Variants in C7orf78 observed in about 807,000 individuals in gnomAD.
C7orf78 encodes chromosome 7 open reading frame 78.
chr7:12,514,676 A>G, the C7orf78 span, among the ~76,000 whole-genome samples: 1 of 151,844 alleles, frequency 6.6e-6, no homozygotes, highest in African/African-American at 2.4e-5. Flanking sequence ...TTGTGGTACT[A>G]TTTGACTCCT....
At chr7:12,494,118 T>C in the C7orf78 span, among the ~76,000 whole-genome samples, 5 of 152,066 alleles carry the variant, frequency 3.3e-5, no homozygotes, top group African/African-American at 1.2e-4. Context: ...CACTGGAGGA[T>C]GACAAATAGA....
the C7orf78 span, among the ~76,000 whole-genome samples, chr7:12,519,729 G>T: frequency 1.3e-5 from 2 of 152,188 alleles, no homozygotes; most frequent in Non-Finnish European, 2.9e-5. Context: ...CCAGGGAGTA[G>T]TACTCTGTTG....
chr7:12,523,319 A>G, the C7orf78 span: 1 of 398,382 alleles, frequency 2.5e-6, no homozygotes. Flanking sequence ...TAAATTTATA[A>G]CTACATTTCC....
chr7:12,523,051 G>C, the C7orf78 span: 1 of 398,300 alleles, frequency 2.5e-6, no homozygotes, highest in Non-Finnish European at 4.4e-6. Context: ...TTGCAAAGAG[G>C]CTGCAATATC....
At chr7:12,492,653 A>G in the C7orf78 span, among the ~76,000 whole-genome samples, 1 of 152,202 alleles carries the variant, frequency 6.6e-6, no homozygotes, top group Non-Finnish European at 1.5e-5. Flanking sequence ...AATGTTGAGG[A>G]GGTTGCTGAC....
chr7:12,508,277 G>A, the C7orf78 span, among the ~76,000 whole-genome samples: 3 of 152,170 alleles, frequency 2.0e-5, no homozygotes, highest in African/African-American at 7.2e-5. Context: ...TCTTTTATAG[G>A]CAGCCACAAG....
At chr7:12,527,616 G>A in the C7orf78 span, among the ~76,000 whole-genome samples, 172 of 130,246 alleles carry the variant, frequency 1.3e-3, 2 homozygotes, top group African/African-American at 5.1e-3. Context: ...GGTAGAAAAT[G>A]CCATCTAGCT....
the C7orf78 span, among the ~76,000 whole-genome samples, chr7:12,511,918 ATTTTTTTTTTTTTTTTTT>A: frequency 1.1e-4 from 9 of 80,578 alleles, no homozygotes; most frequent in Non-Finnish European, 2.0e-4. Flanking sequence ...CACCTGGCTA[ATTTTTTTTTTTTTTTTTT>A]TTTTTTTTTT....
the C7orf78 span, among the ~76,000 whole-genome samples, chr7:12,534,595 G>A: frequency 6.6e-6 from 1 of 151,948 alleles, no homozygotes; most frequent in Non-Finnish European, 1.5e-5. Flanking sequence ...GCAAGAAAAT[G>A]GTTTATATTA....
At chr7:12,540,147 G>A in the C7orf78 span, among the ~76,000 whole-genome samples, 2 of 152,138 alleles carry the variant, frequency 1.3e-5, no homozygotes, top group African/African-American at 2.4e-5. Flanking sequence ...TTGGTTTGAA[G>A]GAACCAACCT....
the C7orf78 span, among the ~76,000 whole-genome samples, chr7:12,492,283 G>T: frequency 6.6e-5 from 10 of 152,284 alleles, no homozygotes; most frequent in Non-Finnish European, 1.5e-4. Context: ...GACTTCATTT[G>T]GCTGACCAAG....
At chr7:12,493,713 T>C in the C7orf78 span, among the ~76,000 whole-genome samples, 78 of 152,330 alleles carry the variant, frequency 5.1e-4, no homozygotes, top group Middle Eastern at 6.8e-3. Flanking sequence ...AGACTATCTT[T>C]CTACATTTCT....
chr7:12,496,540 C>G, the C7orf78 span: 1 of 152,192 alleles, frequency 6.6e-6, no homozygotes, highest in Non-Finnish European at 1.5e-5. Context: ...GAGACATTCT[C>G]AAGCTTCAGA....
the C7orf78 span, among the ~76,000 whole-genome samples, chr7:12,502,903 AT>A: frequency 2.7e-5 from 4 of 150,798 alleles, no homozygotes; most frequent in African/African-American, 9.9e-5. Context: ...CTATGCAGCC[AT>A]AAAAAATGAT....
chr7:12,499,170 C>T, the C7orf78 span, among the ~76,000 whole-genome samples: 1 of 152,124 alleles, frequency 6.6e-6, no homozygotes, highest in South Asian at 2.1e-4. Context: ...GAAGAAACTG[C>T]ATCAACTAAC....
chr7:12,529,180 G>C, the C7orf78 span: 2 of 393,386 alleles, frequency 5.1e-6, no homozygotes, highest in Non-Finnish European at 9.0e-6. Flanking sequence ...TATAGCCGCT[G>C]CTTTTTTTGT....
At chr7:12,520,300 C>T in the C7orf78 span, among the ~76,000 whole-genome samples, 3 of 152,168 alleles carry the variant, frequency 2.0e-5, no homozygotes, top group East Asian at 1.9e-4. Context: ...GGCAAGTGCC[C>T]GATGCCTCTA....
chr7:12,484,375 T>C, the C7orf78 span, among the ~76,000 whole-genome samples: 1 of 152,236 alleles, frequency 6.6e-6, no homozygotes, highest in Non-Finnish European at 1.5e-5. Flanking sequence ...GCTTCTGTCA[T>C]GTACTTTCTG....
chr7:12,504,462 A>T, the C7orf78 span: 2 of 152,160 alleles, frequency 1.3e-5, no homozygotes, highest in Non-Finnish European at 2.9e-5. Context: ...GATAATGTTA[A>T]ACTGTTAGTC....
Sources: gnomAD v4.1 joint callset for allele counts (sites outside exome capture counted in the v4.1 genomes callset) on GRCh38, gnomAD v4.1.1 for gene constraint, MANE v1.5 for transcripts, NCBI Gene and HGNC (gene_info 2026-07-23, HGNC 2026-07-21) for gene names.